CPZ: variants seen among roughly 807,000 people sequenced by gnomAD.
The protein encoded by CPZ is carboxypeptidase Z, also known as VEZT/CPZ fusion.
CPZ carries 103 observed loss-of-function variants against 61.8 expected under a neutral mutation model. The ratio of observed to expected loss-of-function variants is 1.67; its 90% confidence interval spans 1.42 to 1.96. The LOEUF is 1.96. Among genes scored for constraint, CPZ ranks in the 30% most tolerant of loss-of-function variants. The probability of loss-of-function intolerance (pLI) is 0.00; values close to 1 mark genes in which losing one functional copy is unlikely to be tolerated. For missense variants in CPZ, 1,461 were observed against 914.9 expected (o/e 1.60, Z -7.70); for synonymous variants, 551 against 373.7 (o/e 1.47, Z -5.47).
At chr4:8,618,163 G>C in intron 9 of CPZ, 1 of 477,736 alleles carries the variant, frequency 2.1e-6, no homozygotes, top group Non-Finnish European at 3.8e-6. Flanking sequence ...CATAGAGATG[G>C]AGTCAGCCAG....
chr4:8,605,227 G>A (rs74844053), intron 4 of CPZ, among the ~76,000 whole-genome samples: 4,224 of 152,066 alleles, frequency 0.028, 153 homozygotes, highest in African/African-American at 0.086. Flanking sequence ...GAGCAAGTGC[G>A]AGGCTTAGAG....
intron 4 of CPZ, among the ~76,000 whole-genome samples, chr4:8,605,393 C>T (rs1274526869): frequency 2.7e-5 from 4 of 149,206 alleles, no homozygotes; most frequent in African/African-American, 7.5e-5. Flanking sequence ...TCCACCCATT[C>T]ATTCATACAT....
chr4:8,593,238 C>G (rs930289536), intron 1 of CPZ, among the ~76,000 whole-genome samples: 5 of 152,122 alleles, frequency 3.3e-5, no homozygotes, highest in African/African-American at 1.2e-4. Flanking sequence ...CAGGTGGGTT[C>G]GAGGGAGCAG....
rs374338787 is a variant in CPZ at position 8,606,820 on chromosome 4, C to T, written c.990C>T (p.Ser330=). Residue 330 remains serine (S), a synonymous_variant, in exon 6 of 11, where the codon TCC becomes TCT. Coordinates refer to ENST00000360986, the MANE Select transcript of CPZ (RefSeq NM_001014447.3). ...ACCGAAATTTCCCGGACCTGACGTC[C>T]GAGTACTACCGGCTGGCGGAGACCC... ...DLNRNFPDLT[S]EYYRLAETRG... 2.0e-5 allele frequency: 32 copies of T among 1,614,054 alleles called. No homozygotes were observed. The Middle Eastern group carries it at 4.9e-4, about 25-fold the overall frequency.
chr4:8,601,324 G>T lies in CPZ; in HGVS notation c.323G>T (p.Arg108Leu), dbSNP rs776676610. The T allele has an allele frequency of 6.2e-7, 1 of 1,608,984 alleles. No homozygotes were observed. Among genetic ancestry groups the T allele is most frequent in the African/African-American group, 1.3e-5 (1 of 74,816 alleles). The change falls in exon 3 of 11, where the codon CGG becomes CTG. Residue 108 changes from arginine (R) to leucine (L), a missense_variant. Arg to Leu is a moderately radical substitution (Grantham distance 102, BLOSUM62 -2). Coordinates refer to ENST00000360986, the MANE Select transcript of CPZ (RefSeq NM_001014447.3). ...CTGGGCTGTGCTGTGCTGGCCCCCC[G>T]GTGTGAGGGCGGCTGGGTGCGCAGA... ...RLLGCAVLAP[R>L]CEGGWVRRPC...
intron 8 of CPZ, 22 bp from the exon 9 acceptor site, chr4:8,614,337 C>T (rs747267593): frequency 6.2e-7 from 1 of 1,606,016 alleles, no homozygotes; most frequent in Non-Finnish European, 8.5e-7. Flanking sequence ...CCCCTGACGT[C>T]CCCGCTGTCT....
At chr4:8,610,482 G>A (rs1715557869) in intron 7 of CPZ, among the ~76,000 whole-genome samples, 1 of 152,168 alleles carries the variant, frequency 6.6e-6, no homozygotes, top group African/African-American at 2.4e-5. Flanking sequence ...GGTAGAAAGG[G>A]TGACACGGTG....
chr4:8,594,880 C>T (rs1345808105), intron 1 of CPZ, among the ~76,000 whole-genome samples: 1 of 151,908 alleles, frequency 6.6e-6, no homozygotes, highest in African/African-American at 2.4e-5. Flanking sequence ...TCACGCCATT[C>T]TCCTGGCTCA....
intron 7 of CPZ, among the ~76,000 whole-genome samples, chr4:8,611,826 C>T (rs930523540): frequency 6.6e-6 from 1 of 152,074 alleles, no homozygotes; most frequent in Non-Finnish European, 1.5e-5. Flanking sequence ...AGTGCCAGAC[C>T]GCCTGTGACC....
intron 7 of CPZ, among the ~76,000 whole-genome samples, chr4:8,609,153 C>CA (rs1252436296): frequency 1.3e-4 from 20 of 150,068 alleles, no homozygotes; most frequent in Non-Finnish European, 2.7e-4. Flanking sequence ...TTCACCCACT[C>CA]CCTCACTCAT....
chr4:8,606,664 C>T (rs1239937921), intron 5 of CPZ, 73 bp from the exon 6 acceptor site: 38 of 1,582,128 alleles, frequency 2.4e-5, no homozygotes, highest in Non-Finnish European at 2.9e-5. Flanking sequence ...CTCAGCCCAG[C>T]GTGAGACCCA....
intron 1 of CPZ, among the ~76,000 whole-genome samples, chr4:8,595,496 C>T (rs1714111824): frequency 6.6e-6 from 1 of 152,178 alleles, no homozygotes; most frequent in African/African-American, 2.4e-5. Flanking sequence ...AGGCCCACCC[C>T]CGTGTGGTAA....
At chr4:8,609,412 C>T (rs1715452508) in intron 7 of CPZ, among the ~76,000 whole-genome samples, 1 of 147,168 alleles carries the variant, frequency 6.8e-6, no homozygotes, top group Non-Finnish European at 1.5e-5. Flanking sequence ...TTTATTCCCG[C>T]ACTCCTTCCC....
At chr4:8,605,962 G>A (rs1325602972) in intron 4 of CPZ, 27 bp from the exon 5 acceptor site, 2 of 1,598,150 alleles carry the variant, frequency 1.3e-6, no homozygotes, top group African/African-American at 2.7e-5. Flanking sequence ...TTGAGATGAT[G>A]CCCCAAGTCT....
At chr4:8,613,323 G>A (rs1437555438) in intron 8 of CPZ, among the ~76,000 whole-genome samples, 1 of 152,116 alleles carries the variant, frequency 6.6e-6, no homozygotes, top group Non-Finnish European at 1.5e-5. Context: ...GTAGAGATGG[G>A]GTTTCACCAT....
At position 8,619,340 on chromosome 4, in the gene CPZ, T is replaced by G. The variant is rs1284702638; in HGVS notation, c.1682T>G (p.Val561Gly). ...GCCCAAGCCCCTGGCTACGCCAAAG[T>G]CATCAAGAAAGTCATCATCCCCGCC... Reference protein sequence around the residue: ...VIAQAPGYAKVIKKVIIPARM... With the variant: ...VIAQAPGYAKGIKKVIIPARM... Residue 561 changes from valine (V) to glycine (G), a missense_variant, in exon 11 of 11, where the codon GTC becomes GGC. By Grantham distance (109) the Val-to-Gly change is moderately radical. Transcript: ENST00000360986. 6.2e-7 allele frequency: 1 copy of G among 1,614,150 alleles called. No homozygotes were observed. Among genetic ancestry groups the G allele is most frequent in the Non-Finnish European group, 8.5e-7 (1 of 1,180,008 alleles).
intron 7 of CPZ, among the ~76,000 whole-genome samples, chr4:8,609,675 C>G (rs975539596): frequency 1.3e-5 from 2 of 152,224 alleles, no homozygotes; most frequent in African/African-American, 4.8e-5. Context: ...CTGCACTGGC[C>G]CAGTGTGTCT....
intron 9 of CPZ, 172 bp from the exon 10 acceptor site, chr4:8,618,257 G>A (rs1405918820): frequency 1.6e-6 from 1 of 617,212 alleles, no homozygotes; most frequent in African/African-American, 1.8e-5. Context: ...CCCAGAGAGG[G>A]GAGTGACTGA....
chr4:8,616,071 T>C, intron 9 of CPZ, among the ~76,000 whole-genome samples: 1 of 152,156 alleles, frequency 6.6e-6, no homozygotes, highest in Non-Finnish European at 1.5e-5. Context: ...TGCTCCTGGA[T>C]ATTACACATG....
Sources: gnomAD v4.1 joint callset for allele counts (sites outside exome capture counted in the v4.1 genomes callset) on GRCh38, gnomAD v4.1.1 for gene constraint, MANE v1.5 for transcripts, NCBI Gene and HGNC (gene_info 2026-07-23, HGNC 2026-07-21) for gene names.